Variants in CA10 observed in about 807,000 individuals in gnomAD.
CA10 encodes carbonic anhydrase 10 (inactive), also known as carbonic anhydrase-related protein 10.
A neutral mutation model predicts 44.2 loss-of-function variants in CA10; 14 were observed. That is an observed-to-expected ratio of 0.32 (90% CI 0.21 to 0.50). CA10 has a LOEUF of 0.50. Among genes scored for constraint, CA10 ranks in the 20% least tolerant of loss-of-function variants. The pLI, the probability that CA10 is intolerant of heterozygous loss-of-function variation, is 0.99. For missense variants in CA10, 350 were observed against 409.7 expected (o/e 0.85, Z 1.26); for synonymous variants, 159 against 141.6 (o/e 1.12, Z -0.87).
chr17:51,857,500 T>A (rs956283334), intron 3 of CA10, among the ~76,000 whole-genome samples: 7 of 152,182 alleles, frequency 4.6e-5, no homozygotes, highest in African/African-American at 1.7e-4. Context: ...CTCTTAGGAA[T>A]CCTAAGCACC....
At chr17:52,149,520 A>G (rs1989659269) in intron 1 of CA10, among the ~76,000 whole-genome samples, 1 of 152,122 alleles carries the variant, frequency 6.6e-6, no homozygotes, top group Admixed American at 6.6e-5. Flanking sequence ...ATTTGTCACC[A>G]CCCAAACCTT....
At chr17:52,043,606 G>A (rs1986830353) in intron 2 of CA10, among the ~76,000 whole-genome samples, 1 of 152,018 alleles carries the variant, frequency 6.6e-6, no homozygotes, top group South Asian at 2.1e-4. Context: ...AATAAAAGTT[G>A]TGACAGTGGG....
chr17:52,040,801 C>T (rs944956123), intron 2 of CA10, among the ~76,000 whole-genome samples: 2 of 152,056 alleles, frequency 1.3e-5, no homozygotes, highest in Non-Finnish European at 2.9e-5. Context: ...AGGAACTATT[C>T]CAAGATGGAC....
chr17:52,115,705 G>C (rs796147548), intron 1 of CA10, among the ~76,000 whole-genome samples: 14 of 152,310 alleles, frequency 9.2e-5, no homozygotes, highest in African/African-American at 3.4e-4. Context: ...ATGGCCCAAG[G>C]GCCCTGCGTG....
intron 6 of CA10, among the ~76,000 whole-genome samples, chr17:51,638,761 G>A (rs781097755): frequency 4.6e-5 from 7 of 152,226 alleles, no homozygotes; most frequent in East Asian, 1.9e-4. Flanking sequence ...TGTCTGGGGC[G>A]AGGGTGCGGG....
chr17:51,869,788 A>G (rs1435468554), intron 3 of CA10, among the ~76,000 whole-genome samples: 4 of 152,176 alleles, frequency 2.6e-5, no homozygotes, highest in African/African-American at 7.2e-5. Flanking sequence ...CTGCCAGAGT[A>G]GGAAAAAAAT....
intron 3 of CA10, among the ~76,000 whole-genome samples, chr17:51,883,951 A>G (rs1046809597): frequency 6.6e-6 from 1 of 152,108 alleles, no homozygotes; most frequent in Non-Finnish European, 1.5e-5. Context: ...TTCTCTCCCA[A>G]ATCTGCTTTT....
At chr17:52,114,427 G>A (rs763783478) in intron 1 of CA10, among the ~76,000 whole-genome samples, 1 of 152,170 alleles carries the variant, frequency 6.6e-6, no homozygotes, top group Non-Finnish European at 1.5e-5. Context: ...CATCCACTGA[G>A]CCTCAGTTTG....
chr17:51,678,450 C>T (rs151129601), intron 4 of CA10, among the ~76,000 whole-genome samples: 20 of 152,254 alleles, frequency 1.3e-4, no homozygotes, highest in African/African-American at 4.1e-4. Context: ...TTTACTTATT[C>T]GGAAAAGCAA....
At chr17:52,036,169 T>C (rs8069722) in intron 2 of CA10, among the ~76,000 whole-genome samples, 78,248 of 152,048 alleles carry the variant, frequency 0.51, 20,915 homozygotes, top group African/African-American at 0.63. Context: ...AATGTAACTT[T>C]CTCATTTTAT....
intron 4 of CA10, among the ~76,000 whole-genome samples, chr17:51,673,410 T>G (rs1914498333): frequency 6.6e-6 from 1 of 152,180 alleles, no homozygotes; most frequent in African/African-American, 2.4e-5. Flanking sequence ...CACCCTGAAC[T>G]CTACTCCAAA....
intron 3 of CA10, among the ~76,000 whole-genome samples, chr17:51,749,625 A>T (rs542306165): frequency 6.6e-6 from 1 of 152,328 alleles, no homozygotes; most frequent in African/African-American, 2.4e-5. Flanking sequence ...AGCAAAAGGG[A>T]ACTGATAGAC....
intron 3 of CA10, among the ~76,000 whole-genome samples, chr17:51,887,509 CTT>C (rs1168827959): frequency 6.6e-6 from 1 of 152,176 alleles, no homozygotes; most frequent in Non-Finnish European, 1.5e-5. Flanking sequence ...ACAGCAAAGT[CTT>C]TGGACTAACA....
intron 2 of CA10, among the ~76,000 whole-genome samples, chr17:51,954,293 T>C (rs528594246): frequency 1.3e-5 from 2 of 152,288 alleles, no homozygotes; most frequent in African/African-American, 4.8e-5. Flanking sequence ...AACTAAACAT[T>C]AAAAAAGTTC....
chr17:52,075,865 A>G (rs1987805088), intron 1 of CA10, among the ~76,000 whole-genome samples: 1 of 152,140 alleles, frequency 6.6e-6, no homozygotes, highest in Non-Finnish European at 1.5e-5. Context: ...ATCTTTCCCC[A>G]TCTATCTGAA....
chr17:51,901,385 T>C (rs762317647), intron 3 of CA10, among the ~76,000 whole-genome samples: 1 of 152,086 alleles, frequency 6.6e-6, no homozygotes, highest in African/African-American at 2.4e-5. Flanking sequence ...AAAGCTGCTG[T>C]ACAAGAGGGG....
intron 3 of CA10, among the ~76,000 whole-genome samples, chr17:51,844,174 A>C (rs866359344): frequency 6.6e-6 from 1 of 152,136 alleles, no homozygotes; most frequent in Non-Finnish European, 1.5e-5. Context: ...AAGAAGAGGA[A>C]ATTTTTAAGG....
intron 4 of CA10, among the ~76,000 whole-genome samples, chr17:51,726,461 GA>G (rs1417311131): frequency 3.3e-5 from 5 of 152,122 alleles, no homozygotes; most frequent in Admixed American, 6.5e-5. Context: ...ACAAGAAAAC[GA>G]TAAGTGTGCA....
chr17:51,648,683 C>T (rs952479833), intron 6 of CA10, among the ~76,000 whole-genome samples: 7 of 152,160 alleles, frequency 4.6e-5, no homozygotes, highest in Non-Finnish European at 8.8e-5. Context: ...GGAAACTGGA[C>T]AGAGTCCTCT....
Sources: allele counts gnomAD v4.1 joint callset (sites outside exome capture counted in the v4.1 genomes callset), GRCh38; gene constraint gnomAD v4.1.1; transcripts MANE v1.5; gene names NCBI Gene and HGNC (gene_info 2026-07-23, HGNC 2026-07-21).